Variants in TFEC observed in about 807,000 individuals in gnomAD.
TFEC encodes class E basic helix-loop-helix protein 34.
Under a neutral mutation model 41.6 loss-of-function variants are expected in TFEC, and 31 were observed. That is an observed-to-expected ratio of 0.74 (90% CI 0.56 to 1.01). The LOEUF is 1.01. TFEC is among the 50% of genes least tolerant of loss of function. TFEC has a pLI of 0.00. For missense variants in TFEC, 402 were observed against 404.1 expected (o/e 0.99, Z 0.04); for synonymous variants, 143 against 140.6 (o/e 1.02, Z -0.12).
At chr7:116,122,121 T>C (rs559928121) in intron 1 of TFEC, among the ~76,000 whole-genome samples, 1 of 152,148 alleles carries the variant, frequency 6.6e-6, no homozygotes, top group South Asian at 2.1e-4. Flanking sequence ...CAAGGGTTTA[T>C]TAAAGATCAT....
chr7:116,112,822 C>T (rs371104154), intron 1 of TFEC, among the ~76,000 whole-genome samples: 13 of 151,806 alleles, frequency 8.6e-5, no homozygotes, highest in African/African-American at 2.7e-4. Flanking sequence ...AATGTCTAGG[C>T]CCAGAATAAT....
At chr7:116,095,592 C>T (rs1797433682) in intron 3 of TFEC, among the ~76,000 whole-genome samples, 1 of 152,142 alleles carries the variant, frequency 6.6e-6, no homozygotes, top group African/African-American at 2.4e-5. Context: ...CCCTTTCCTC[C>T]TTTTACTACC....
upstream of TFEC, among the ~76,000 whole-genome samples, chr7:116,034,050 A>G (rs1407927887): frequency 6.6e-6 from 1 of 152,094 alleles, no homozygotes; most frequent in Non-Finnish European, 1.5e-5. Context: ...TTTCCCTATC[A>G]GCAGTGAATG....
At chr7:115,950,988 G>T in intron 5 of TFEC, 39 bp from the exon 6 acceptor site, 1 of 1,304,210 alleles carries the variant, frequency 7.7e-7, no homozygotes, top group Non-Finnish European at 1.1e-6. Context: ...TCTCATTAAT[G>T]CACAGTTCAC....
intron 3 of TFEC, among the ~76,000 whole-genome samples, chr7:116,100,253 A>G (rs1797573691): frequency 6.6e-6 from 1 of 152,184 alleles, no homozygotes; most frequent in Non-Finnish European, 1.5e-5. Context: ...AAAATAGTCT[A>G]AAAGAGAAGA....
chr7:116,057,564 T>C (rs1280810762), intron 3 of TFEC, among the ~76,000 whole-genome samples: 2 of 151,878 alleles, frequency 1.3e-5, no homozygotes, highest in Admixed American at 6.6e-5. Flanking sequence ...TAAAAAGAAA[T>C]GAAAAGACTG....
At chr7:115,941,209 T>C (rs762404235) in intron 7 of TFEC, 89 of 280,696 alleles carry the variant, frequency 3.2e-4, no homozygotes, top group Admixed American at 7.8e-4. Flanking sequence ...GACTACAATA[T>C]AGCCATTTGG....
At chr7:116,101,433 G>A (rs145999303) in intron 3 of TFEC, among the ~76,000 whole-genome samples, 37 of 152,222 alleles carry the variant, frequency 2.4e-4, no homozygotes, top group African/African-American at 7.9e-4. Flanking sequence ...TGCTCCTACT[G>A]TAATGGAAGA....
In TFEC at chr7:116,151,330, C is replaced by A. The variant is rs1157133870; in HGVS notation, c.-69+8460G>T. 2.7e-5 allele frequency among the ~76,000 whole-genome samples: 4 copies of A among 150,642 alleles called. No homozygotes were observed. In the South Asian group the frequency reaches 8.4e-4, roughly 32 times the overall value. On this transcript the variant is annotated intron_variant, in intron 1 of 8. Coordinates refer to the TFEC transcript ENST00000484212. Reference sequence around the variant, plus strand: ...CGATCTCAGCTCACTGCAACCTCTGCCTCCTGGACTCAAGCAATTCGCCTG... The same window carrying A: ...CGATCTCAGCTCACTGCAACCTCTGACTCCTGGACTCAAGCAATTCGCCTG...
chr7:116,037,972 G>A (rs556890669), intron 3 of TFEC, among the ~76,000 whole-genome samples: 37 of 152,006 alleles, frequency 2.4e-4, no homozygotes, highest in African/African-American at 8.0e-4. Flanking sequence ...CATCTATCTC[G>A]ATGAGCTTCA....
intron 4 of TFEC, among the ~76,000 whole-genome samples, chr7:115,956,325 C>G (rs1792223918): frequency 6.7e-6 from 1 of 149,724 alleles, no homozygotes; most frequent in African/African-American, 2.4e-5. Flanking sequence ...TATTATTTCA[C>G]TTTGTAACCA....
At chr7:116,103,022 A>G (rs1797638136) in intron 3 of TFEC, among the ~76,000 whole-genome samples, 1 of 152,224 alleles carries the variant, frequency 6.6e-6, no homozygotes, top group Admixed American at 6.5e-5. Flanking sequence ...AGCTGCATCT[A>G]TCAATAAGAT....
chr7:116,123,311 CCT>C (rs1167924769), intron 1 of TFEC, among the ~76,000 whole-genome samples: 2 of 152,018 alleles, frequency 1.3e-5, no homozygotes, highest in African/African-American at 2.4e-5. Context: ...TTGGATCCAA[CCT>C]CTCCTTTTTC....
At chr7:116,038,301 T>C (rs893648910) in intron 3 of TFEC, among the ~76,000 whole-genome samples, 2 of 152,016 alleles carry the variant, frequency 1.3e-5, no homozygotes, top group African/African-American at 2.4e-5. Context: ...ATGCAATCTC[T>C]GTGTCCTTTT....
chr7:115,998,631 T>C (rs940889318), intron 1 of TFEC, among the ~76,000 whole-genome samples: 4 of 151,276 alleles, frequency 2.6e-5, no homozygotes, highest in Non-Finnish European at 5.9e-5. Context: ...AGAAAGGGAT[T>C]GAAAAAGATA....
chr7:115,943,346 A>AGG (rs1793603406), intron 6 of TFEC, among the ~76,000 whole-genome samples: 1 of 151,934 alleles, frequency 6.6e-6, no homozygotes, highest in Admixed American at 6.6e-5. Flanking sequence ...AAATTTAAGT[A>AGG]GTAGCAAAAG....
chr7:116,017,948 T>C (rs913632952), intron 1 of TFEC, among the ~76,000 whole-genome samples: 7 of 152,194 alleles, frequency 4.6e-5, no homozygotes, highest in African/African-American at 1.4e-4. Flanking sequence ...AAGCAATTTG[T>C]CTCTCTTTAT....
At chr7:116,026,597 G>GTCA (rs1795594789) in intron 1 of TFEC, among the ~76,000 whole-genome samples, 2 of 152,134 alleles carry the variant, frequency 1.3e-5, no homozygotes, top group Middle Eastern at 3.2e-3. Context: ...AGAAAATGGT[G>GTCA]TCATCAGTCA....
At chr7:116,005,498 T>G (rs1289949057) in intron 1 of TFEC, among the ~76,000 whole-genome samples, 1 of 152,272 alleles carries the variant, frequency 6.6e-6, no homozygotes, top group East Asian at 1.9e-4. Flanking sequence ...TTGTGGAACT[T>G]TGAACTTGAA....
Sources: allele counts gnomAD v4.1 joint callset (sites outside exome capture counted in the v4.1 genomes callset), GRCh38; gene constraint gnomAD v4.1.1; transcripts MANE v1.5; gene names NCBI Gene and HGNC (gene_info 2026-07-23, HGNC 2026-07-21).